The following TAFA2 variants were observed in gnomAD, a reference collection of about 807,000 sequenced individuals.
TAFA2 encodes chemokine-like protein TAFA-2.
Under a neutral mutation model 18.8 loss-of-function variants are expected in TAFA2, and 7 were observed. That is an observed-to-expected ratio of 0.37 (90% confidence interval 0.21 to 0.70). TAFA2 has a LOEUF of 0.70. TAFA2 is among the 30% of genes least tolerant of loss of function. The pLI is 0.53. For synonymous variants in TAFA2, 60 were observed against 54.2 expected (o/e 1.11, Z -0.47); for missense variants, 122 against 158.1 (o/e 0.77, Z 1.23).
intron 1 of TAFA2, among the ~76,000 whole-genome samples, chr12:61,925,776 A>G (rs1366693450): frequency 6.6e-6 from 1 of 152,226 alleles, no homozygotes; most frequent in Admixed American, 6.5e-5. Context: ...ACACCCTAAC[A>G]TCACAATTAA....
intron 1 of TAFA2, among the ~76,000 whole-genome samples, chr12:62,019,573 A>G (rs1247422050): frequency 6.6e-6 from 1 of 151,822 alleles, no homozygotes; most frequent in Admixed American, 6.6e-5. Context: ...CACAAGGACA[A>G]AAAACCAAAC....
chr12:62,104,889 C>T (rs1869377732), intron 1 of TAFA2: 1 of 271,114 alleles, frequency 3.7e-6, no homozygotes, highest in African/African-American at 2.3e-5. Context: ...TTGCTATCTC[C>T]CTGGATGTTT....
chr12:62,155,611 A>G (rs2062363707), intron 1 of TAFA2, among the ~76,000 whole-genome samples: 1 of 152,176 alleles, frequency 6.6e-6, no homozygotes, highest in African/African-American at 2.4e-5. Context: ...AGACCAATGG[A>G]ACAGAATAGA....
chr12:61,934,187 G>A (rs1247392309), intron 1 of TAFA2, among the ~76,000 whole-genome samples: 4 of 152,302 alleles, frequency 2.6e-5, no homozygotes, highest in South Asian at 2.1e-4. Flanking sequence ...TCCTGTTGCT[G>A]CACAGCACAA....
intron 1 of TAFA2, among the ~76,000 whole-genome samples, chr12:62,230,282 T>C (rs1264451570): frequency 6.6e-6 from 1 of 152,144 alleles, no homozygotes; most frequent in Admixed American, 6.5e-5. Context: ...TTTCTTATGA[T>C]CCTTGTGATG....
upstream of TAFA2, among the ~76,000 whole-genome samples, chr12:62,193,076 C>T (rs2062634214): frequency 6.6e-6 from 1 of 152,166 alleles, no homozygotes; most frequent in Admixed American, 6.5e-5. Flanking sequence ...AGGTCATGTC[C>T]TTACATGTTT....
chr12:61,779,015 C>A (rs1352667834), intron 2 of TAFA2, among the ~76,000 whole-genome samples: 1 of 151,830 alleles, frequency 6.6e-6, no homozygotes, highest in Non-Finnish European at 1.5e-5. Flanking sequence ...GTCAATCTTT[C>A]TGTAAATAAA....
chr12:62,161,538 A>C (rs2062406992), intron 1 of TAFA2, among the ~76,000 whole-genome samples: 1 of 152,108 alleles, frequency 6.6e-6, no homozygotes, highest in African/African-American at 2.4e-5. Flanking sequence ...TAGAGGATGG[A>C]GACTCAGAAT....
At chr12:62,044,106 A>C (rs745643010) in intron 1 of TAFA2, among the ~76,000 whole-genome samples, 4 of 152,080 alleles carry the variant, frequency 2.6e-5, no homozygotes, top group Admixed American at 6.6e-5. Flanking sequence ...AGAACCCACT[A>C]ACAGTATGCT....
chr12:62,127,457 C>CT (rs1259286033), intron 1 of TAFA2, among the ~76,000 whole-genome samples: 4 of 151,908 alleles, frequency 2.6e-5, no homozygotes, highest in Non-Finnish European at 4.4e-5. Flanking sequence ...GAATTGCTAT[C>CT]TTTTTTCTGT....
chr12:61,872,115 T>C (rs1874635157), intron 1 of TAFA2, among the ~76,000 whole-genome samples: 1 of 151,868 alleles, frequency 6.6e-6, no homozygotes, highest in South Asian at 2.1e-4. Context: ...AGAAAAATCA[T>C]TTCCCCATGA....
At chr12:62,248,327 G>A (rs565467172) in intron 1 of TAFA2, among the ~76,000 whole-genome samples, 1 of 152,086 alleles carries the variant, frequency 6.6e-6, no homozygotes, top group African/African-American at 2.4e-5. Context: ...CATGACACAT[G>A]AGTTGTAATG....
At chr12:62,243,637 T>C (rs923265678) in intron 1 of TAFA2, among the ~76,000 whole-genome samples, 1 of 152,210 alleles carries the variant, frequency 6.6e-6, no homozygotes, top group African/African-American at 2.4e-5. Flanking sequence ...AGCTATTATT[T>C]AACATTCGCT....
chr12:61,972,048 G>C (rs2136665999), intron 1 of TAFA2, among the ~76,000 whole-genome samples: 1 of 150,962 alleles, frequency 6.6e-6, no homozygotes, highest in Middle Eastern at 3.4e-3. Context: ...AATGATTTTT[G>C]ATTTTGTGGG....
At chr12:61,995,880 A>AAATG (rs1023428371) in intron 1 of TAFA2, among the ~76,000 whole-genome samples, 3 of 152,008 alleles carry the variant, frequency 2.0e-5, no homozygotes, top group Non-Finnish European at 4.4e-5. Context: ...ACAAATAAAT[A>AAATG]AGCATTTGTA....
chr12:61,978,646 G>A (rs1422198421), intron 1 of TAFA2, among the ~76,000 whole-genome samples: 2 of 152,006 alleles, frequency 1.3e-5, no homozygotes, highest in East Asian at 3.9e-4. Context: ...TCACCTGAAA[G>A]CATTTGAATC....
At chr12:61,783,371 C>T (rs935366812) in intron 2 of TAFA2, among the ~76,000 whole-genome samples, 1 of 151,618 alleles carries the variant, frequency 6.6e-6, no homozygotes, top group African/African-American at 2.4e-5. Flanking sequence ...ACAGAATCAA[C>T]TTTATTTCTG....
At chr12:61,833,416 A>G (rs560459062) in intron 2 of TAFA2, among the ~76,000 whole-genome samples, 15 of 152,046 alleles carry the variant, frequency 9.9e-5, no homozygotes, top group African/African-American at 2.9e-4. Flanking sequence ...GCCCCAAACT[A>G]TCTTTATGAA....
At chr12:62,091,957 G>A (rs1333144005) in intron 1 of TAFA2, among the ~76,000 whole-genome samples, 5 of 151,902 alleles carry the variant, frequency 3.3e-5, no homozygotes, top group African/African-American at 1.2e-4. Context: ...TCATTCTTTG[G>A]TGTGACACTG....
Sources: allele counts gnomAD v4.1 joint callset (sites outside exome capture counted in the v4.1 genomes callset), GRCh38; gene constraint gnomAD v4.1.1; transcripts MANE v1.5; gene names NCBI Gene and HGNC (gene_info 2026-07-23, HGNC 2026-07-21).